DTHD1: variants seen among roughly 807,000 people sequenced by gnomAD.
The protein encoded by DTHD1 is death domain containing 1.
Under a neutral mutation model 74.8 loss-of-function variants are expected in DTHD1, and 59 were observed. The ratio of observed to expected loss-of-function variants is 0.79; its 90% CI spans 0.64 to 0.98. DTHD1 has a LOEUF of 0.98. Ranked by LOEUF, DTHD1 falls within the 50% of genes least tolerant of loss-of-function variation. The pLI is 0.00. For synonymous variants in DTHD1, 365 were observed against 371.1 expected, an observed-to-expected ratio of 0.98 and a Z score of 0.19; for missense variants, 1,051 against 1,065.4, an observed-to-expected ratio of 0.99 and a Z score of 0.19.
intron 8 of DTHD1, among the ~76,000 whole-genome samples, chr4:36,324,107 T>C (rs1758196099): frequency 1.3e-5 from 2 of 152,112 alleles, no homozygotes; most frequent in Non-Finnish European, 2.9e-5. Flanking sequence ...TGACAACCAG[T>C]TTAATGAGAA....
At chr4:36,314,936 G>T (rs1757628393) in intron 7 of DTHD1, among the ~76,000 whole-genome samples, 1 of 151,856 alleles carries the variant, frequency 6.6e-6, no homozygotes, top group Non-Finnish European at 1.5e-5. Flanking sequence ...TATTTCTCCT[G>T]TTCTAAGGGT....
chr4:36,297,946 G>C (rs891408560), intron 5 of DTHD1, among the ~76,000 whole-genome samples: 1 of 151,884 alleles, frequency 6.6e-6, no homozygotes, highest in Non-Finnish European at 1.5e-5. Flanking sequence ...ACGTGTGTGT[G>C]TGTGTGTGTT....
At chr4:36,318,612 CTTTTTTT>C (rs397992934) in intron 8 of DTHD1, among the ~76,000 whole-genome samples, 428 of 111,810 alleles carry the variant, frequency 3.8e-3, no homozygotes, top group African/African-American at 0.014. Flanking sequence ...TTTTTCTTTT[CTTTTTTT>C]TTTTTTTTTT....
At chr4:36,316,086 C>A (rs915183003) in intron 7 of DTHD1, among the ~76,000 whole-genome samples, 156 bp from the exon 8 acceptor site, 2 of 152,126 alleles carry the variant, frequency 1.3e-5, no homozygotes, top group Admixed American at 6.5e-5. Flanking sequence ...CAGGTGCCTG[C>A]CACCACGCCC....
At chr4:36,313,565 GT>G (rs1757524228) in intron 7 of DTHD1, among the ~76,000 whole-genome samples, 1 of 152,044 alleles carries the variant, frequency 6.6e-6, no homozygotes, top group Non-Finnish European at 1.5e-5. Context: ...TTACATAATG[GT>G]TTCTGTTTAC....
At position 36,344,498 on chromosome 4, in the gene DTHD1, C is replaced by T. The variant is rs1759492994; in HGVS notation, c.*674C>T. 1 of 152,158 alleles carries T rather than the reference C, an allele frequency of 6.6e-6. No homozygotes were observed. Among genetic ancestry groups the T allele is most frequent in the South Asian group, 2.1e-4 (1 of 4,820 alleles). The allele number at this position is 152,158 out of a possible 1,614,324, so 9.4% of individuals were successfully genotyped here. ...GATTGAACAGTTATTATCTAAAGAC[C>T]TGGAATCAATAGGAAGGAAATGCCT... On this transcript the variant is annotated 3_prime_UTR_variant, in exon 10 of 10. Coordinates refer to ENST00000639862, the MANE Select transcript of DTHD1 (RefSeq NM_001170700.3).
intron 5 of DTHD1, among the ~76,000 whole-genome samples, chr4:36,295,427 A>G (rs988907041): frequency 6.6e-6 from 1 of 152,168 alleles, no homozygotes; most frequent in Admixed American, 6.6e-5. Context: ...GATATTATGC[A>G]AAGGGATCTC....
chr4:36,314,069 G>GT (rs375245524), intron 7 of DTHD1, among the ~76,000 whole-genome samples: 2,797 of 138,896 alleles, frequency 0.02, 49 homozygotes, highest in African/African-American at 0.043. Flanking sequence ...CTAGGAATCT[G>GT]TTTTTTTTTT....
intron 7 of DTHD1, among the ~76,000 whole-genome samples, chr4:36,314,232 C>T (rs999881142): frequency 3.3e-5 from 5 of 151,856 alleles, no homozygotes; most frequent in Admixed American, 2.0e-4. Context: ...CAGTCAGGAC[C>T]GGGAGAAGGG....
chr4:36,328,436 C>T (rs750311317), intron 8 of DTHD1, among the ~76,000 whole-genome samples: 5 of 152,146 alleles, frequency 3.3e-5, no homozygotes, highest in East Asian at 1.9e-4. Flanking sequence ...GCTGGTACTA[C>T]GATCTTTTAA....
chr4:36,298,249 T>A (rs1281600613), intron 5 of DTHD1, among the ~76,000 whole-genome samples: 1 of 152,150 alleles, frequency 6.6e-6, no homozygotes. Context: ...CACATTCTAC[T>A]ACTGTAGCAA....
chr4:36,293,724 G>T lies in DTHD1; in HGVS notation c.1398+19G>T. On this transcript the variant is annotated intron_variant, in intron 4 of 9. Coordinates refer to ENST00000639862, the MANE Select transcript of DTHD1 (RefSeq NM_001170700.3). ...GTTAAAGGTAAACATATTAAAAATA[G>T]GTGAGTTCCTGCTCATAGATTTTGT... The T allele has an allele frequency of 6.8e-7, 1 of 1,474,220 alleles. No homozygotes were observed. Among genetic ancestry groups the T allele is most frequent in the South Asian group, 1.4e-5 (1 of 72,952 alleles). 91.3% of individuals were successfully genotyped at this position (1,474,220 alleles called of 1,614,324 possible). A position where few individuals can be genotyped will look rare whatever the true frequency, so the allele number is the denominator to read the frequency against.
chr4:36,313,099 G>C (rs1757496210), intron 7 of DTHD1, among the ~76,000 whole-genome samples: 1 of 151,960 alleles, frequency 6.6e-6, no homozygotes, highest in South Asian at 2.1e-4. Context: ...ACTTCCCTAA[G>C]CAAAAATATT....
chr4:36,324,896 A>G (rs1036493577), intron 8 of DTHD1, among the ~76,000 whole-genome samples: 12 of 152,178 alleles, frequency 7.9e-5, no homozygotes, highest in Non-Finnish European at 1.5e-4. Context: ...GACTGAGGTG[A>G]CTTGCGGGTG....
At chr4:36,328,180 C>T (rs1401282168) in intron 8 of DTHD1, among the ~76,000 whole-genome samples, 1 of 152,198 alleles carries the variant, frequency 6.6e-6, no homozygotes, top group Non-Finnish European at 1.5e-5. Flanking sequence ...GTTTCCAAAT[C>T]GAATTTCTGT....
chr4:36,302,151 A>G (rs1756814924), intron 5 of DTHD1, among the ~76,000 whole-genome samples: 1 of 152,214 alleles, frequency 6.6e-6, no homozygotes, highest in South Asian at 2.1e-4. Flanking sequence ...CCTCACCTTA[A>G]AAACTATTGC....
intron 2 of DTHD1, among the ~76,000 whole-genome samples, chr4:36,284,915 C>A (rs1162533329): frequency 2.6e-5 from 4 of 152,278 alleles, no homozygotes; most frequent in Non-Finnish European, 5.9e-5. Flanking sequence ...GCTCCACCCT[C>A]ATGACCTAAT....
chr4:36,311,834 G>C (rs1442234553), intron 7 of DTHD1: 1 of 152,078 alleles, frequency 6.6e-6, no homozygotes, highest in African/African-American at 2.4e-5. Context: ...AAGAAATGAA[G>C]ACCAAAGTTT....
intron 5 of DTHD1, among the ~76,000 whole-genome samples, chr4:36,301,068 T>G (rs1413231233): frequency 6.6e-6 from 1 of 152,156 alleles, no homozygotes; most frequent in East Asian, 1.9e-4. Context: ...AATATTAAGG[T>G]GCATTGGAGC....
Sources: allele counts gnomAD v4.1 joint callset (sites outside exome capture counted in the v4.1 genomes callset), GRCh38; gene constraint gnomAD v4.1.1; transcripts MANE v1.5; gene names NCBI Gene and HGNC (gene_info 2026-07-23, HGNC 2026-07-21).